Variants in RHEB observed in about 807,000 individuals in gnomAD.
The protein encoded by RHEB is GTP-binding protein Rheb.
Under a neutral mutation model 28.8 loss-of-function variants are expected in RHEB, and 2 were observed. That is an observed-to-expected ratio of 0.07 (90% CI 0.03 to 0.22). The LOEUF is 0.22. Among genes scored for constraint, RHEB ranks in the 10% least tolerant of loss-of-function variants. The pLI is 1.00. For missense variants in RHEB, 76 were observed against 219.9 expected (o/e 0.35, Z 4.14); for synonymous variants, 69 against 77.3 (o/e 0.89, Z 0.56).
chr7:151,468,067 T>C lies in RHEB; in HGVS notation c.463-856A>G, dbSNP rs1434079077. On this transcript the variant is annotated intron_variant, in intron 7 of 7. Transcript: ENST00000262187. This position sits in a 1 kb window ranked among gnomAD's most constrained non-coding sequence, Gnocchi z 4.3. ...TCCTGTGGTCATGAAAAACTGCCCC[T>C]GTTCTCAGAAGCCCCACAGGAAGTA... 1.3e-5 allele frequency among the ~76,000 whole-genome samples: 2 copies of C among 151,904 alleles called. No homozygotes were observed. The highest frequency in any genetic ancestry group is 2.9e-5 in the Non-Finnish European group (2 of 67,982).
At chr7:151,477,234 T>G in intron 4 of RHEB, 99 bp downstream of exon 4, 1 of 780,688 alleles carries the variant, frequency 1.3e-6, no homozygotes, top group Non-Finnish European at 2.1e-6. Flanking sequence ...AGCCTAATAA[T>G]TCTAATTGTC....
intron 4 of RHEB, among the ~76,000 whole-genome samples, chr7:151,474,341 C>T (rs1030041749): frequency 3.6e-4 from 54 of 152,034 alleles, no homozygotes; most frequent in African/African-American, 1.2e-3. Context: ...CCACCACACC[C>T]GGGTAATTTT....
intron 1 of RHEB, among the ~76,000 whole-genome samples, chr7:151,493,309 C>G (rs543427669): frequency 6.6e-6 from 1 of 152,236 alleles, no homozygotes; most frequent in East Asian, 1.9e-4. Flanking sequence ...TCTAGCAACC[C>G]CCACTGCCCC....
chr7:151,504,201 C>T (rs1384625219), intron 1 of RHEB, among the ~76,000 whole-genome samples: 9 of 152,202 alleles, frequency 5.9e-5, no homozygotes, highest in East Asian at 3.8e-4. Context: ...TTTGTATCAA[C>T]GTTCTGACAA....
At chr7:151,509,442 T>A (rs1159042764) in intron 1 of RHEB, among the ~76,000 whole-genome samples, 20 of 152,348 alleles carry the variant, frequency 1.3e-4, no homozygotes, top group Admixed American at 4.6e-4. Flanking sequence ...TTTCTGATTT[T>A]AGCCAATGGC....
In RHEB at chr7:151,505,975, G is replaced by A. The variant is rs1051434020; in HGVS notation, c.52+13485C>T. On this transcript the variant is annotated intron_variant, in intron 1 of 7. Transcript: ENST00000262187. ...GATGGAGAGCAGATCAGTGCTTCCC[G>A]GGGAGCTGGGGTAGGGCGTGAGGGA... Among the ~76,000 whole-genome samples, 5 of 152,198 alleles carry A rather than the reference G, an allele frequency of 3.3e-5. No individual in the cohort carries two copies. In the East Asian group the frequency reaches 5.8e-4, roughly 18 times the overall value.
chr7:151,510,996 T>C (rs575942717), intron 1 of RHEB, among the ~76,000 whole-genome samples: 7 of 152,042 alleles, frequency 4.6e-5, no homozygotes, highest in African/African-American at 1.7e-4. Flanking sequence ...GGAGGATCCT[T>C]GAGGCTGGAA....
intron 1 of RHEB, among the ~76,000 whole-genome samples, chr7:151,515,078 AAG>A (rs1491058638): frequency 1.3e-5 from 2 of 149,682 alleles, no homozygotes; most frequent in Admixed American, 6.7e-5. Context: ...CAAAAAAAAA[AAG>A]AAAGAAAAGA....
intron 1 of RHEB, among the ~76,000 whole-genome samples, chr7:151,493,920 C>G (rs1038909568): frequency 4.0e-5 from 6 of 151,876 alleles, no homozygotes; most frequent in Non-Finnish European, 8.8e-5. Flanking sequence ...GTTATTTACA[C>G]TGAATGCTAC....
At chr7:151,502,060 A>C (rs1374833940) in intron 1 of RHEB, 1 of 405,382 alleles carries the variant, frequency 2.5e-6, no homozygotes, top group Non-Finnish European at 4.5e-6. Context: ...ATATGGTGAA[A>C]CCCTGTCTCT....
At chr7:151,485,621 G>A (rs1802458223) in intron 2 of RHEB, among the ~76,000 whole-genome samples, 1 of 152,150 alleles carries the variant, frequency 6.6e-6, no homozygotes, top group Non-Finnish European at 1.5e-5. Flanking sequence ...CTAGAGCCAG[G>A]CAGCAGAATC....
At chr7:151,514,793 C>G (rs1369667793) in intron 1 of RHEB, among the ~76,000 whole-genome samples, 1 of 152,120 alleles carries the variant, frequency 6.6e-6, no homozygotes, top group African/African-American at 2.4e-5. Context: ...AATCCCAACA[C>G]TGGGAGACTG....
intron 1 of RHEB, among the ~76,000 whole-genome samples, chr7:151,500,306 A>C (rs1038389952): frequency 2.0e-5 from 3 of 152,206 alleles, no homozygotes; most frequent in Non-Finnish European, 4.4e-5. Context: ...AAAGGAAAAA[A>C]TTAATCTCTA....
chr7:151,479,172 T>C (rs1000879611), intron 3 of RHEB, among the ~76,000 whole-genome samples: 1 of 151,990 alleles, frequency 6.6e-6, no homozygotes, highest in Non-Finnish European at 1.5e-5. Flanking sequence ...GATATGAGAA[T>C]GAGGTACATG....
chr7:151,514,832 T>C (rs1178035681), intron 1 of RHEB, among the ~76,000 whole-genome samples: 1 of 150,834 alleles, frequency 6.6e-6, no homozygotes, highest in Non-Finnish European at 1.5e-5. Flanking sequence ...AGGTCAAGAG[T>C]TCAAGACCAG....
At chr7:151,499,706 T>TTAG (rs1802738533) in intron 1 of RHEB, among the ~76,000 whole-genome samples, 1 of 152,112 alleles carries the variant, frequency 6.6e-6, no homozygotes, top group Admixed American at 6.5e-5. Flanking sequence ...TGTGGAAGAG[T>TTAG]TAGTATAAAA....
chr7:151,481,455 C>G lies in RHEB; in HGVS notation c.192+3282G>C, dbSNP rs73729816. On this transcript the variant is annotated intron_variant, in intron 3 of 7. Transcript: ENST00000262187. ...AGATTACTTTTAAAAGAATTTGCCC[C>G]TTAATCATTTTACCCTACTACTACC... Among the ~76,000 whole-genome samples, 1,211 of 152,320 alleles carry G rather than the reference C, an allele frequency of 8.0e-3. 13 individuals are homozygous for G. Among genetic ancestry groups the G allele is most frequent in the African/African-American group, 0.027 (1,136 of 41,562 alleles).
At chr7:151,516,640 A>AG (rs1394526556) in intron 1 of RHEB, among the ~76,000 whole-genome samples, 1 of 151,756 alleles carries the variant, frequency 6.6e-6, no homozygotes, top group East Asian at 1.9e-4. Context: ...AAAAAAAAAA[A>AG]AAAAGAAAGC....
intron 4 of RHEB, among the ~76,000 whole-genome samples, chr7:151,474,973 G>A (rs1399023548): frequency 2.6e-5 from 4 of 152,180 alleles, no homozygotes; most frequent in Non-Finnish European, 5.9e-5. Flanking sequence ...ATTTGAGAAT[G>A]CTCATTAAAC....
Sources: allele counts gnomAD v4.1 joint callset (sites outside exome capture counted in the v4.1 genomes callset), GRCh38; gene constraint gnomAD v4.1.1; non-coding constraint Gnocchi (gnomAD v3.1); transcripts MANE v1.5; gene names NCBI Gene and HGNC (gene_info 2026-07-23, HGNC 2026-07-21).